Variants in SLC35F1 observed in about 807,000 individuals in gnomAD.
SLC35F1 encodes chromosome 6 open reading frame 169.
Under a neutral mutation model 48.7 loss-of-function variants are expected in SLC35F1, and 14 were observed. The observed-to-expected ratio is 0.29, with a 90% CI of 0.19 to 0.45. The LOEUF is 0.45. Ranked by LOEUF, SLC35F1 falls within the 20% of genes least tolerant of loss-of-function variation. The pLI is 1.00. For missense variants in SLC35F1, 404 were observed against 500.0 expected (o/e 0.81, Z 1.83); for synonymous variants, 190 against 202.2 (o/e 0.94, Z 0.51).
intron 2 of SLC35F1, among the ~76,000 whole-genome samples, chr6:118,182,786 A>G (rs1202346985): frequency 1.3e-5 from 2 of 152,206 alleles, no homozygotes; most frequent in South Asian, 2.1e-4. Context: ...ATGAAATGAC[A>G]TTATTATTTT....
intron 3 of SLC35F1, among the ~76,000 whole-genome samples, chr6:118,256,421 C>A (rs182468123): frequency 5.9e-5 from 9 of 152,092 alleles, no homozygotes; most frequent in Non-Finnish European, 1.0e-4. Context: ...CTACCAGTTG[C>A]CTCAGGTTTA....
At chr6:118,120,218 A>G (rs2038275236) in intron 1 of SLC35F1, among the ~76,000 whole-genome samples, 1 of 152,184 alleles carries the variant, frequency 6.6e-6, no homozygotes, top group Non-Finnish European at 1.5e-5. Flanking sequence ...GATACTACAA[A>G]GAGAGTTAGC....
chr6:117,923,585 A>G (rs1380723508), intron 1 of SLC35F1, among the ~76,000 whole-genome samples: 2 of 61,258 alleles, frequency 3.3e-5, no homozygotes, highest in East Asian at 4.6e-4. Context: ...ATGTGTGTGT[A>G]TATATACATA....
intron 1 of SLC35F1, among the ~76,000 whole-genome samples, chr6:118,040,049 T>A (rs538277480): frequency 6.6e-6 from 1 of 152,232 alleles, no homozygotes; most frequent in South Asian, 2.1e-4. Flanking sequence ...GTATGCTGCT[T>A]TGGGTCTGTC....
intron 1 of SLC35F1, among the ~76,000 whole-genome samples, chr6:118,089,452 C>G (rs1773040630): frequency 6.6e-6 from 1 of 152,194 alleles, no homozygotes; most frequent in African/African-American, 2.4e-5. Context: ...GAATTAGATA[C>G]TCATTACTTC....
At chr6:118,203,219 TG>T (rs1199424636) in intron 2 of SLC35F1, among the ~76,000 whole-genome samples, 2 of 152,194 alleles carry the variant, frequency 1.3e-5, no homozygotes, top group African/African-American at 4.8e-5. Context: ...AGGAGCCAAC[TG>T]GGCCAACTGC....
intron 2 of SLC35F1, among the ~76,000 whole-genome samples, chr6:118,232,599 T>C (rs1775306601): frequency 6.9e-6 from 1 of 144,216 alleles, no homozygotes; most frequent in African/African-American, 2.5e-5. Flanking sequence ...CAGGAAAACC[T>C]AGCCCAGTCT....
At chr6:117,961,491 C>G (rs939442110) in intron 1 of SLC35F1, among the ~76,000 whole-genome samples, 2 of 152,126 alleles carry the variant, frequency 1.3e-5, no homozygotes, top group Non-Finnish European at 2.9e-5. Context: ...GGAGTTGCTT[C>G]GTCGGGTCTA....
chr6:117,908,396 C>T (rs1775722478), intron 1 of SLC35F1, among the ~76,000 whole-genome samples: 1 of 152,234 alleles, frequency 6.6e-6, no homozygotes, highest in Admixed American at 6.5e-5. Flanking sequence ...GGGGTCGCAG[C>T]GACAGCCTAG....
At chr6:118,085,354 C>T (rs1197390168) in intron 1 of SLC35F1, among the ~76,000 whole-genome samples, 1 of 152,034 alleles carries the variant, frequency 6.6e-6, no homozygotes, top group Non-Finnish European at 1.5e-5. Context: ...TTTCCTGGTG[C>T]AAACTAAAAT....
At chr6:117,988,462 C>A (rs1439161221) in intron 1 of SLC35F1, among the ~76,000 whole-genome samples, 4 of 152,132 alleles carry the variant, frequency 2.6e-5, no homozygotes, top group Admixed American at 6.5e-5. Flanking sequence ...AGTAGGATGA[C>A]AAAACTCTCA....
rs1463854026 is a variant in SLC35F1, at chr6:118,127,220, C to T, written c.174-27225C>T. On this transcript the variant is annotated intron_variant, in intron 1 of 7. Coordinates refer to ENST00000360388, the MANE Select transcript of SLC35F1 (RefSeq NM_001029858.4). ...TGTTGAATTTTGTCAAAGGCCTTTTCTGCATCTATTGAGATAATCATGTGG... is the reference window on the plus strand; with the variant it reads ...TGTTGAATTTTGTCAAAGGCCTTTTTTGCATCTATTGAGATAATCATGTGG... 5.9e-5 allele frequency among the ~76,000 whole-genome samples: 9 copies of T among 151,804 alleles called. No homozygotes were observed. In the East Asian group the frequency reaches 1.7e-3, roughly 29 times the overall value.
rs143263130 is a variant in SLC35F1 at position 117,989,415 on chromosome 6, G to A, written c.173+81516G>A. Among the ~76,000 whole-genome samples the A allele has an allele frequency of 3.3e-3, 499 of 152,296 alleles. 2 individuals are homozygous for A. The highest frequency in any genetic ancestry group is 0.011 in the African/African-American group (475 of 41,558). On this transcript the variant is annotated intron_variant, in intron 1 of 7. Transcript: ENST00000360388. ...CAGATAATTTGGGATTCTTCTGCAT[G>A]TGAAGTGGCATGTCTGGGAGAAAAG...
At chr6:118,146,807 C>T (rs1254868082) in intron 1 of SLC35F1, among the ~76,000 whole-genome samples, 2 of 152,228 alleles carry the variant, frequency 1.3e-5, no homozygotes, top group Admixed American at 1.3e-4. Flanking sequence ...AGAGTTTGCA[C>T]ATAATAAATG....
intron 2 of SLC35F1, among the ~76,000 whole-genome samples, chr6:118,197,205 C>A (rs1001914631): frequency 2.6e-5 from 4 of 151,984 alleles, no homozygotes; most frequent in Non-Finnish European, 4.4e-5. Flanking sequence ...ATTCTTTTTT[C>A]TTTTCCTTTC....
intron 2 of SLC35F1, 76 bp from the exon 3 acceptor site, chr6:118,235,433 T>C: frequency 7.5e-7 from 1 of 1,337,826 alleles, no homozygotes; most frequent in Non-Finnish European, 1.0e-6. Context: ...TGTTGCAACA[T>C]ATTAGAATTC....
intron 1 of SLC35F1, among the ~76,000 whole-genome samples, chr6:118,025,780 A>C (rs944493359): frequency 6.6e-6 from 1 of 152,198 alleles, no homozygotes; most frequent in African/African-American, 2.4e-5. Flanking sequence ...GCATTTATGT[A>C]TATTTTAGTT....
chr6:118,205,204 T>TAA (rs1443972428), intron 2 of SLC35F1, among the ~76,000 whole-genome samples: 1 of 152,208 alleles, frequency 6.6e-6, no homozygotes, highest in East Asian at 1.9e-4. Flanking sequence ...GGGTAGAGTG[T>TAA]TAGCTTATGG....
At chr6:117,992,542 T>C (rs977014526) in intron 1 of SLC35F1, among the ~76,000 whole-genome samples, 2 of 152,162 alleles carry the variant, frequency 1.3e-5, no homozygotes, top group African/African-American at 2.4e-5. Context: ...GGTATGAAGA[T>C]CTTGGTCACA....
Sources: gnomAD v4.1 joint callset for allele counts (sites outside exome capture counted in the v4.1 genomes callset) on GRCh38, gnomAD v4.1.1 for gene constraint, MANE v1.5 for transcripts, NCBI Gene and HGNC (gene_info 2026-07-23, HGNC 2026-07-21) for gene names.